CNTNAP2: variants seen among roughly 807,000 people sequenced by gnomAD.
CNTNAP2 encodes contactin associated protein 2, also known as contactin-associated protein-like 2.
In CNTNAP2, 98 loss-of-function variants were observed where a neutral mutation model predicts 155.2. That is an observed-to-expected ratio of 0.63 (90% CI 0.54 to 0.75). The LOEUF (loss-of-function observed/expected upper bound fraction) is 0.75, where lower values mean the gene tolerates loss of function less well. Ranked by LOEUF, CNTNAP2 falls within the 30% of genes least tolerant of loss-of-function variation. CNTNAP2 has a pLI of 0.00. For synonymous variants in CNTNAP2, 651 were observed against 631.2 expected (o/e 1.03, Z -0.47); for missense variants, 1,727 against 1,688.1 (o/e 1.02, Z -0.40).
At chr7:146,609,229 T>C (rs1156372040) in intron 1 of CNTNAP2, among the ~76,000 whole-genome samples, 1 of 152,256 alleles carries the variant, frequency 6.6e-6, no homozygotes, top group African/African-American at 2.4e-5. Flanking sequence ...CTTATTCTGA[T>C]GATCAGGTGG....
intron 13 of CNTNAP2, chr7:147,704,286 CT>C (rs1796277940): frequency 6.3e-6 from 1 of 158,474 alleles, no homozygotes; most frequent in African/African-American, 2.4e-5. Context: ...CAATAAAGTT[CT>C]TTCTTATAAA....
intron 1 of CNTNAP2, among the ~76,000 whole-genome samples, chr7:146,605,957 G>C (rs1305849796): frequency 6.6e-6 from 1 of 152,094 alleles, no homozygotes; most frequent in Non-Finnish European, 1.5e-5. Flanking sequence ...CTTGAGAAAA[G>C]TAAAACATAA....
chr7:147,881,555 G>A (rs1396164186), intron 13 of CNTNAP2, among the ~76,000 whole-genome samples: 1 of 152,194 alleles, frequency 6.6e-6, no homozygotes, highest in Non-Finnish European at 1.5e-5. Flanking sequence ...CAGGAAATAG[G>A]CAGTGTGACC....
intron 15 of CNTNAP2, among the ~76,000 whole-genome samples, chr7:148,085,665 T>C (rs1021366112): frequency 6.6e-6 from 1 of 152,146 alleles, no homozygotes; most frequent in Admixed American, 6.5e-5. Flanking sequence ...TGATTAAATA[T>C]ATTCTTTCTT....
At chr7:146,443,034 G>A (rs369740628) in intron 1 of CNTNAP2, among the ~76,000 whole-genome samples, 1 of 151,264 alleles carries the variant, frequency 6.6e-6, no homozygotes, top group Admixed American at 6.6e-5. Flanking sequence ...GTGAAACCCC[G>A]TTTCTACTAA....
chr7:148,212,561 A>G (rs73170538), intron 18 of CNTNAP2, among the ~76,000 whole-genome samples: 27,347 of 152,166 alleles, frequency 0.18, 2,568 homozygotes, highest in East Asian at 0.27. Flanking sequence ...ATTGTCTATT[A>G]CTAGTATCTA....
chr7:146,765,651 T>C (rs773595561), intron 1 of CNTNAP2, among the ~76,000 whole-genome samples: 1 of 152,022 alleles, frequency 6.6e-6, no homozygotes, highest in Non-Finnish European at 1.5e-5. Context: ...AGAAAAGTAA[T>C]AAAGAAATTA....
chr7:146,487,324 A>G (rs531030072), intron 1 of CNTNAP2, among the ~76,000 whole-genome samples: 8 of 152,334 alleles, frequency 5.3e-5, no homozygotes, highest in South Asian at 2.1e-4. Flanking sequence ...TAGGTTAGTT[A>G]ATGGAGACAT....
At chr7:147,732,101 A>G (rs1428434183) in intron 13 of CNTNAP2, among the ~76,000 whole-genome samples, 1 of 151,824 alleles carries the variant, frequency 6.6e-6, no homozygotes, top group Non-Finnish European at 1.5e-5. Flanking sequence ...GGTTTGTTAC[A>G]TATGTATACA....
intron 1 of CNTNAP2, among the ~76,000 whole-genome samples, chr7:146,768,097 G>C (rs2129184945): frequency 6.6e-6 from 1 of 152,098 alleles, no homozygotes; most frequent in South Asian, 2.1e-4. Context: ...TGTGATATGT[G>C]AAAATTAGAA....
intron 1 of CNTNAP2, chr7:146,195,164 G>A (rs896838271): frequency 2.0e-5 from 3 of 152,138 alleles, no homozygotes; most frequent in African/African-American, 7.2e-5. Context: ...AACTTCCTTT[G>A]CTTGCTGCAG....
At chr7:146,559,111 A>G (rs1798242789) in intron 1 of CNTNAP2, among the ~76,000 whole-genome samples, 1 of 152,214 alleles carries the variant, frequency 6.6e-6, no homozygotes, top group African/African-American at 2.4e-5. Context: ...CAGCAGGATG[A>G]CTATAGTCAA....
At chr7:147,485,876 G>A in intron 10 of CNTNAP2, 59 bp from the exon 11 acceptor site, 9 of 1,544,138 alleles carry the variant, frequency 5.8e-6, no homozygotes, top group Non-Finnish European at 8.1e-6. Context: ...TTGGAATTTG[G>A]CCACTCATAA....
intron 1 of CNTNAP2, among the ~76,000 whole-genome samples, chr7:146,626,184 TTAACAA>T (rs1295645401): frequency 9.2e-5 from 14 of 152,132 alleles, no homozygotes; most frequent in Admixed American, 8.5e-4. Context: ...ATGAAACACA[TTAACAA>T]TAATGTTTAC....
chr7:146,244,862 G>A (rs1799619604), intron 1 of CNTNAP2, among the ~76,000 whole-genome samples: 1 of 152,124 alleles, frequency 6.6e-6, no homozygotes, highest in Non-Finnish European at 1.5e-5. Context: ...AGGTATTTTA[G>A]TTATCTGACT....
At chr7:148,359,144 C>A (rs7785390) in intron 21 of CNTNAP2, among the ~76,000 whole-genome samples, 2,959 of 152,312 alleles carry the variant, frequency 0.019, 92 homozygotes, top group African/African-American at 0.068. Context: ...ATAACATGCT[C>A]TACAGATTTG....
At chr7:147,449,092 G>C (rs1797789158) in intron 10 of CNTNAP2, among the ~76,000 whole-genome samples, 1 of 152,086 alleles carries the variant, frequency 6.6e-6, no homozygotes, top group Admixed American at 6.5e-5. Flanking sequence ...GAATCCTAAT[G>C]GACAGGCAAG....
intron 12 of CNTNAP2, among the ~76,000 whole-genome samples, chr7:147,619,971 G>C (rs1801362719): frequency 6.6e-6 from 1 of 152,206 alleles, no homozygotes; most frequent in African/African-American, 2.4e-5. Context: ...GCTTTCAGTG[G>C]CTCAGAACAG....
intron 13 of CNTNAP2, among the ~76,000 whole-genome samples, chr7:147,835,427 TAGTGGCCAAGCC>T (rs1364247244): frequency 6.6e-6 from 1 of 152,132 alleles, no homozygotes; most frequent in Non-Finnish European, 1.5e-5. Flanking sequence ...GTGGCCAAGA[TAGTGGCCAAGCC>T]AGGCTGAGTC....
Sources: allele counts gnomAD v4.1 joint callset (sites outside exome capture counted in the v4.1 genomes callset), GRCh38; gene constraint gnomAD v4.1.1; transcripts MANE v1.5; gene names NCBI Gene and HGNC (gene_info 2026-07-23, HGNC 2026-07-21).